FERMT3: variants seen among roughly 807,000 people sequenced by gnomAD.
The protein encoded by FERMT3 is fermitin family homolog 3.
FERMT3 carries 33 observed loss-of-function variants against 80.8 expected under a neutral mutation model. The observed-to-expected ratio is 0.41, with a 90% confidence interval of 0.31 to 0.55. The LOEUF (loss-of-function observed/expected upper bound fraction) is 0.55. FERMT3 is among the 20% of genes least tolerant of loss of function. FERMT3 has a pLI of 0.31. For missense variants in FERMT3, 754 were observed against 908.7 expected, an observed-to-expected ratio of 0.83 and a Z score of 2.19; for synonymous variants, 375 against 372.2, an observed-to-expected ratio of 1.01 and a Z score of -0.09.
intron 6 of FERMT3, among the ~76,000 whole-genome samples, chr11:64,212,415 A>G (rs986095584): frequency 6.6e-6 from 1 of 152,106 alleles, no homozygotes; most frequent in East Asian, 1.9e-4. Flanking sequence ...CTTGCTTCCA[A>G]GCTTTCTCTG....
intron 6 of FERMT3, among the ~76,000 whole-genome samples, chr11:64,212,548 T>C (rs1946465647): frequency 6.6e-6 from 1 of 152,236 alleles, no homozygotes; most frequent in Non-Finnish European, 1.5e-5. Flanking sequence ...TCCCTGGCCA[T>C]GTCCCACCCG....
chr11:64,207,204 C>T (rs1436696555), intron 1 of FERMT3, 147 bp from the exon 2 acceptor site: 10 of 850,654 alleles, frequency 1.2e-5, no homozygotes, highest in South Asian at 8.3e-5. Flanking sequence ...GAGGGTACCA[C>T]GGGCGTGCTG....
intron 1 of FERMT3, 133 bp from the exon 2 acceptor site, chr11:64,207,218 T>C: frequency 9.9e-7 from 1 of 1,012,626 alleles, no homozygotes; most frequent in East Asian, 2.6e-5. Context: ...CGTGCTGGCC[T>C]GGGTGCTCAC....
chr11:64,219,306 TGGA>T lies in FERMT3; in HGVS notation c.847_849del (p.Glu283del), dbSNP rs1167992971. Reference sequence around the variant, plus strand: ...GAGCAGGCCCGGTGGGACCTGCTGCTGGAGGAGATTGACTGCACCGAGGAGGAG... The same window carrying T: ...GAGCAGGCCCGGTGGGACCTGCTGCTGGAGATTGACTGCACCGAGGAGGAG... On this transcript the variant is annotated inframe_deletion, in exon 7 of 15. Transcript: ENST00000345728. The surrounding 1 kb of genome is among the most constrained non-coding windows in gnomAD (Gnocchi z 4.0). 1 of 1,609,594 alleles carries T rather than the reference TGGA, an allele frequency of 6.2e-7. No individual in the cohort carries two copies. The highest frequency in any genetic ancestry group is 8.5e-7 in the Non-Finnish European group (1 of 1,178,202).
At position 64,207,622 on chromosome 11, in the gene FERMT3, A is replaced by G. The variant is rs1326514727; in HGVS notation, c.160+98A>G. On this transcript the variant is annotated intron_variant, in intron 2 of 14. Coordinates refer to ENST00000345728, the MANE Select transcript of FERMT3 (RefSeq NM_031471.6). The stretch of plus-strand genomic sequence containing the variant: ...GGCCATCCCTGCTGCTCAGCTCCCG[A>G]TAATGGTGTCACGGTGACTCAGGCA... 7 of 1,424,326 alleles carry G rather than the reference A, an allele frequency of 4.9e-6. No homozygotes were observed. In the East Asian group the frequency reaches 1.4e-4, roughly 28 times the overall value. The allele number at this position is 1,424,326 out of a possible 1,614,324, so 88.2% of individuals were successfully genotyped here.
Position 64,211,276 on chromosome 11 carries a change from C to T in FERMT3, c.516C>T (p.Gly172=), listed in dbSNP as rs1484992100. Residue 172 remains glycine, a splice_region_variant and synonymous_variant, in exon 5 of 15, where the codon GGC becomes GGT. Coordinates refer to ENST00000345728, the MANE Select transcript of FERMT3 (RefSeq NM_031471.6). This position sits in a 1 kb window ranked among gnomAD's most constrained non-coding sequence, Gnocchi z 4.7. The part of the protein sequence containing the change: ...YDLSKVVLAG[G]VAPALFRGMP... ...GTTGACTCCCAACCTGCACTCCAGG[C>T]GTGGCACCTGCACTGTTCCGGGGGA... 10 of 1,613,136 alleles carry T rather than the reference C, an allele frequency of 6.2e-6. No homozygotes were observed. The highest frequency in any genetic ancestry group is 2.7e-5 in the African/African-American group (2 of 74,842).
At chr11:64,216,712 C>T (rs1448777718) in intron 6 of FERMT3, among the ~76,000 whole-genome samples, 13 of 146,334 alleles carry the variant, frequency 8.9e-5, no homozygotes, top group African/African-American at 3.3e-4. Context: ...AAGAGAATGG[C>T]GTGAACCTGG....
In FERMT3 at chr11:64,223,028, T is replaced by A; in HGVS notation, c.1671-20T>A. Reference sequence around the variant, plus strand: ...CATGCAGGGTGGAGCCCTGGCTCACTCTCTCTCCCTGGGGGCCAGGTTCAA... The same window carrying A: ...CATGCAGGGTGGAGCCCTGGCTCACACTCTCTCCCTGGGGGCCAGGTTCAA... On this transcript the variant is annotated intron_variant, in intron 13 of 14. Coordinates refer to ENST00000345728, the MANE Select transcript of FERMT3 (RefSeq NM_031471.6). The A allele has an allele frequency of 1.2e-6, 2 of 1,612,974 alleles. No individual in the cohort carries two copies. The highest frequency in any genetic ancestry group is 2.2e-5 in the South Asian group (2 of 91,066).
rs1236855037 is a variant in FERMT3, at chr11:64,223,851, A to C, written c.*359A>C. 2.0e-6 allele frequency: 3 copies of C among 1,474,548 alleles called. No individual in the cohort carries two copies. The highest frequency in any genetic ancestry group is 2.8e-6 in the Non-Finnish European group (3 of 1,089,134). The allele number at this position is 1,474,548 out of a possible 1,614,324, so 91.3% of individuals were successfully genotyped here. A position where few individuals can be genotyped will look rare whatever the true frequency, so the allele number is the denominator to read the frequency against. On this transcript the variant is annotated 3_prime_UTR_variant, in exon 15 of 15. Coordinates refer to ENST00000345728, the MANE Select transcript of FERMT3 (RefSeq NM_031471.6). ...CGAGTTCTTTCTTGTTACTTTTTAA[A>C]ATTTCTTTTTTATAAATTAATATTT...
rs771430992 is a variant in FERMT3 at position 64,221,072 on chromosome 11, G to A, written c.1602G>A (p.Glu534=). 2 of 1,612,620 alleles carry A rather than the reference G, an allele frequency of 1.2e-6. No homozygotes were observed. The highest frequency in any genetic ancestry group is 2.2e-5 in the East Asian group (1 of 44,886). ...ATGTGGCCCAGTTGTCGCTGGCAGA[G>A]GCCCAGCTGCGCTTCATCCAGGCCT... ...HQNVAQLSLA[E]AQLRFIQAWQ... Residue 534 remains glutamate (E), a synonymous_variant, in exon 13 of 15, where the codon GAG becomes GAA. Coordinates refer to ENST00000345728, the MANE Select transcript of FERMT3 (RefSeq NM_031471.6).
At position 64,216,699 on chromosome 11, in the gene FERMT3, G is replaced by A. The variant is rs1262573493; in HGVS notation, c.787-2552G>A. 4.0e-5 allele frequency among the ~76,000 whole-genome samples: 6 copies of A among 150,566 alleles called. No individual in the cohort carries two copies. In the East Asian group the frequency reaches 8.0e-4, roughly 20 times the overall value. On this transcript the variant is annotated intron_variant, in intron 6 of 14. Transcript: ENST00000345728. ...TAGTCCCAGCTACTTGGGAGGCTGA[G>A]GCAAGAGAATGGCGTGAACCTGGGA...
intron 6 of FERMT3, among the ~76,000 whole-genome samples, chr11:64,215,924 C>T (rs1171188009): frequency 5.9e-5 from 9 of 151,836 alleles, no homozygotes; most frequent in Middle Eastern, 3.4e-3. Flanking sequence ...CTCCGCCTCC[C>T]GGGTTCAAGA....
At chr11:64,217,732 T>C (rs1448127456) in intron 6 of FERMT3, among the ~76,000 whole-genome samples, 1 of 152,178 alleles carries the variant, frequency 6.6e-6, no homozygotes. Context: ...GCTTTTTTTC[T>C]TGGACTTTAT....
Position 64,211,060 on chromosome 11 carries a change from C to A in FERMT3, c.403C>A (p.His135Asn). 1 of 1,597,466 alleles carries A rather than the reference C, an allele frequency of 6.3e-7. No homozygotes were observed. Among genetic ancestry groups the A allele is most frequent in the Non-Finnish European group, 8.5e-7 (1 of 1,172,204 alleles). The change falls in exon 4 of 15, where the codon CAC becomes AAC. Residue 135 changes from histidine (H) to asparagine (N), a missense_variant. His to Asn is a moderately conservative substitution (Grantham distance 68). Transcript: ENST00000345728. This position sits in a 1 kb window ranked among gnomAD's most constrained non-coding sequence, Gnocchi z 4.7. ...AAICRLLSIR[H>N]PEELSLLRAP... ...ACCCTAGCTCCCCTCAGGCATCCGG[C>A]ACCCCGAGGAGCTGTCCCTGCTCCG...
At chr11:64,220,165 C>A (rs1591039493) in intron 10 of FERMT3, 55 bp from the exon 11 acceptor site, 1 of 1,581,566 alleles carries the variant, frequency 6.3e-7, no homozygotes, top group Admixed American at 1.7e-5. Flanking sequence ...CACTCCAGGA[C>A]CTCAGGCGGC....
At chr11:64,220,843 GC>G in intron 12 of FERMT3, 172 bp from the exon 13 acceptor site, 1 of 1,353,272 alleles carries the variant, frequency 7.4e-7, no homozygotes, top group Non-Finnish European at 1.0e-6. Context: ...CGGTCCAGGT[GC>G]CCATGTCCAC....
In FERMT3 at chr11:64,223,184, C is replaced by T. The variant is rs1351291515; in HGVS notation, c.1807C>T (p.Arg603Trp). ...CCAGTGGAATGTCAACTGGGACATC[C>T]GGCAGGTGGGCCCAGACCCAGGGTA... ...MRQWNVNWDI[R>W]QVAIEFDEHI... Residue 603 changes from arginine to tryptophan, a missense_variant, in exon 14 of 15, where the codon CGG (arginine) becomes TGG (tryptophan). Arg to Trp is a moderately radical substitution (Grantham distance 101). Transcript: ENST00000345728. 7 of 1,613,664 alleles carry T rather than the reference C, an allele frequency of 4.3e-6. No homozygotes were observed. Among genetic ancestry groups the T allele is most frequent in the Admixed American group, 3.3e-5 (2 of 60,010 alleles).
chr11:64,212,730 AGCCCCAGGCTCT>A (rs970434339), intron 6 of FERMT3, among the ~76,000 whole-genome samples: 14 of 150,852 alleles, frequency 9.3e-5, no homozygotes, highest in African/African-American at 2.4e-4. Flanking sequence ...GGTGTTGGTG[AGCCCCAGGCTCT>A]GCCCCAGGCT....
chr11:64,216,099 T>C (rs2134866439), intron 6 of FERMT3, among the ~76,000 whole-genome samples: 1 of 152,018 alleles, frequency 6.6e-6, no homozygotes, highest in South Asian at 2.1e-4. Flanking sequence ...CCCAAAGTGC[T>C]AGGATTACAC....
Sources: gnomAD v4.1 joint callset for allele counts (sites outside exome capture counted in the v4.1 genomes callset) on GRCh38, gnomAD v4.1.1 for gene constraint, Gnocchi (gnomAD v3.1) non-coding constraint, MANE v1.5 for transcripts, NCBI Gene and HGNC (gene_info 2026-07-23, HGNC 2026-07-21) for gene names.